Variants in RNPS1 observed in about 807,000 individuals in gnomAD.
RNPS1 encodes the protein RNA-binding protein with serine-rich domain 1.
For synonymous variants in RNPS1, 147 were observed against 150.0 expected, an observed-to-expected ratio of 0.98 and a Z score of 0.15; for missense variants, 300 against 427.6, an observed-to-expected ratio of 0.70 and a Z score of 2.63.
intron 2 of RNPS1, 68 bp from the exon 3 acceptor site, chr16:2,264,399 C>T (rs537485953): frequency 2.0e-5 from 32 of 1,607,236 alleles, no homozygotes; most frequent in East Asian, 1.6e-4. Flanking sequence ...CAACCCAAAA[C>T]GGGGGATCAG....
chr16:2,264,848 G>T lies in RNPS1; in HGVS notation c.-117-88C>A, dbSNP rs2093618639. The T allele has an allele frequency of 3.6e-6, 4 of 1,116,140 alleles. No individual in the cohort carries two copies. The Admixed American group carries it at 8.9e-5, about 25-fold the overall frequency. The allele number at this position is 1,116,140 out of a possible 1,614,324, so 69.1% of individuals were successfully genotyped here. ...CAGTCAAAAGCTGAGCACACAAAAA[G>T]GCAGCAAGGGAGCACGGTAAGCAAT... On this transcript the variant is annotated intron_variant, in intron 1 of 7. Transcript: ENST00000320225.
chr16:2,255,948 A>C (rs1791011454), intron 6 of RNPS1: 3 of 539,916 alleles, frequency 5.6e-6, no homozygotes, highest in Middle Eastern at 4.8e-4. Context: ...TAACATGGTG[A>C]AAATGTCTCT....
At position 2,264,565 on chromosome 16, in the gene RNPS1, A is replaced by C. The variant is rs1181911204; in HGVS notation, c.71+8T>G. 11 of 1,612,902 alleles carry C rather than the reference A, an allele frequency of 6.8e-6. No individual in the cohort carries two copies. Among genetic ancestry groups the C allele is most frequent in the African/African-American group, 1.3e-5 (1 of 74,866 alleles). On this transcript the variant is annotated splice_region_variant and intron_variant, in intron 2 of 7. Transcript: ENST00000320225. ...AGTAGCACTAGAAAAATCTTACAGAAGGATTACCTAGTGCTGGACTTTTTA... is the reference window on the plus strand; with the variant it reads ...AGTAGCACTAGAAAAATCTTACAGACGGATTACCTAGTGCTGGACTTTTTA...
chr16:2,255,059 G>T (rs1054985526), intron 7 of RNPS1, among the ~76,000 whole-genome samples: 1 of 152,076 alleles, frequency 6.6e-6, no homozygotes, highest in Non-Finnish European at 1.5e-5. Context: ...TTTAATACTA[G>T]AAGTTGGGAC....
chr16:2,267,029 ACTAAGATCTGCC>A (rs1437338995), intron 1 of RNPS1: 1 of 377,574 alleles, frequency 2.6e-6, no homozygotes, highest in East Asian at 1.6e-4. Flanking sequence ...CCCCCCAAGA[ACTAAGATCTGCC>A]CGAATGTACT....
At position 2,253,719 on chromosome 16, in the gene RNPS1, T is replaced by G. The variant is rs1482864682; in HGVS notation, c.*245A>C. 1.6e-6 allele frequency: 1 copy of G among 623,634 alleles called. No homozygotes were observed. The highest frequency in any genetic ancestry group is 2.9e-6 in the Non-Finnish European group (1 of 345,500). 38.6% of individuals were successfully genotyped at this position (623,634 alleles called of 1,614,324 possible). A position where few individuals can be genotyped will look rare whatever the true frequency, so the allele number is the denominator to read the frequency against. ...GTGGCTCTGCCACTGAACTGACTCT[T>G]AGAAACCGGAAACGGATGAGCTTTC... On this transcript the variant is annotated 3_prime_UTR_variant, in exon 8 of 8. Coordinates refer to ENST00000320225, the MANE Select transcript of RNPS1 (RefSeq NM_080594.4).
rs1454918298 is a variant in RNPS1 at position 2,264,160 on chromosome 16, G to A, written c.227+16C>T. The A allele has an allele frequency of 5.0e-6, 8 of 1,612,160 alleles. No individual in the cohort carries two copies. The highest frequency in any genetic ancestry group is 6.8e-6 in the Non-Finnish European group (8 of 1,180,012). On this transcript the variant is annotated intron_variant, in intron 3 of 7. Transcript: ENST00000320225. The stretch of plus-strand genomic sequence containing the variant: ...TGGCACAGGTCCTCTCCAGGCTCCA[G>A]GCCAGCCCGCCCCACCTGGTACTGC...
intron 4 of RNPS1, 31 bp downstream of exon 4, chr16:2,263,065 A>T (rs200314453): frequency 6.2e-7 from 1 of 1,603,206 alleles, no homozygotes; most frequent in South Asian, 1.1e-5. Flanking sequence ...CCGAGCTTGT[A>T]AACTTTAGCT....
At chr16:2,254,867 G>C (rs571683393) in intron 7 of RNPS1, among the ~76,000 whole-genome samples, 51 of 148,848 alleles carry the variant, frequency 3.4e-4, no homozygotes, top group African/African-American at 1.1e-3. Context: ...TCAGCCTCCC[G>C]AGTAGCTGGG....
intron 2 of RNPS1, 114 bp from the exon 3 acceptor site, chr16:2,264,445 G>C (rs746016584): frequency 5.2e-6 from 8 of 1,540,568 alleles, no homozygotes; most frequent in Non-Finnish European, 7.1e-6. Flanking sequence ...GGTGACCACA[G>C]AGCAAAGTGG....
At chr16:2,254,725 G>A (rs560537711) in intron 7 of RNPS1, among the ~76,000 whole-genome samples, 4 of 146,334 alleles carry the variant, frequency 2.7e-5, no homozygotes, top group South Asian at 4.4e-4. Flanking sequence ...GCTACCACAC[G>A]TGGCAAAGTT....
rs764107042 is a variant in RNPS1 at position 2,253,905 on chromosome 16, G to C, written c.*59C>G. 2.1e-6 allele frequency: 3 copies of C among 1,456,292 alleles called. No homozygotes were observed. The highest frequency in any genetic ancestry group is 1.9e-6 in the Non-Finnish European group (2 of 1,060,162). 90.2% of individuals were successfully genotyped at this position (1,456,292 alleles called of 1,614,324 possible). A position where few individuals can be genotyped will look rare whatever the true frequency, so the allele number is the denominator to read the frequency against. ...TACTGGTCTTCCTTTGGCTAGAAAA[G>C]TGACAAAACTGAGCTGGGTGGGGTA... On this transcript the variant is annotated 3_prime_UTR_variant, in exon 8 of 8. Coordinates refer to ENST00000320225, the MANE Select transcript of RNPS1 (RefSeq NM_080594.4).
In RNPS1 at chr16:2,264,321, G is replaced by C; in HGVS notation, c.82C>G (p.Pro28Ala). ...TCTGAGCGGTCTTTGCGTTTGGTAGGTGAAGGAGCCCTGGATGGTGAGGAA... is the reference window on the plus strand; with the variant it reads ...TCTGAGCGGTCTTTGCGTTTGGTAGCTGAAGGAGCCCTGGATGGTGAGGAA... Reference protein sequence around the residue: ...NKKSSTRAPSPTKRKDRSDEK... With the variant: ...NKKSSTRAPSATKRKDRSDEK... The change falls in exon 3 of 8, where the codon CCT becomes GCT. Residue 28 changes from proline (P) to alanine (A), a missense_variant. By Grantham distance (27) the Pro-to-Ala change is conservative. Coordinates refer to ENST00000320225, the MANE Select transcript of RNPS1 (RefSeq NM_080594.4). 1 of 1,614,140 alleles carries C rather than the reference G, an allele frequency of 6.2e-7. No homozygotes were observed.
Position 2,262,402 on chromosome 16 carries a change from A to G in RNPS1, c.552T>C (p.Tyr184=), listed in dbSNP as rs768772179. The G allele has an allele frequency of 5.6e-6, 9 of 1,613,900 alleles. No homozygotes were observed. In the African/African-American group the frequency reaches 1.1e-4, roughly 19 times the overall value. ...GCATGTCAATCATTTTAATTTTCCC[A>G]TAGGTGGAAAATATCTCCATGATGT... The part of the protein sequence containing the change: ...KDHIMEIFST[Y]GKIKMIDMPV... Residue 184 remains tyrosine (Y), a synonymous_variant, in exon 6 of 8, where the codon TAT becomes TAC. Transcript: ENST00000320225.
rs889371149 is a variant in RNPS1, at chr16:2,253,751, GA to G, written c.*212del. The G allele has an allele frequency of 4.5e-6, 3 of 669,850 alleles. No individual in the cohort carries two copies. The highest frequency in any genetic ancestry group is 8.1e-6 in the Non-Finnish European group (3 of 368,396). 41.5% of individuals were successfully genotyped at this position (669,850 alleles called of 1,614,324 possible). A position where few individuals can be genotyped will look rare whatever the true frequency, so the allele number is the denominator to read the frequency against. ...CGGAAACGGATGAGCTTTCTAGCCA[GA>G]AAACCGGAGGGAATCTTGACAGGCA... On this transcript the variant is annotated 3_prime_UTR_variant, in exon 8 of 8. Transcript: ENST00000320225.
rs780026324 is a variant in RNPS1 at position 2,262,375 on chromosome 16, G to A, written c.579C>T (p.Pro193=). The stretch of plus-strand genomic sequence containing the variant: ...ACAGATGGGGATGCATCCTTTCCAC[G>A]GGCATGTCAATCATTTTAATTTTCC... ...TYGKIKMIDM[P]VERMHPHLSK... Residue 193 remains proline (P), a synonymous_variant, in exon 6 of 8, where the codon CCC becomes CCT. Transcript: ENST00000320225. 32 of 1,613,668 alleles carry A rather than the reference G, an allele frequency of 2.0e-5. 1 individual carries two copies. Among genetic ancestry groups the A allele is most frequent in the South Asian group, 1.6e-4 (15 of 91,072 alleles).
At chr16:2,261,809 A>C (rs369907062) in intron 6 of RNPS1, among the ~76,000 whole-genome samples, 8 of 152,236 alleles carry the variant, frequency 5.3e-5, no homozygotes, top group African/African-American at 1.9e-4. Context: ...AGGCAAAGCA[A>C]GGGTAATTAC....
rs753619764 is a variant in RNPS1, at chr16:2,262,333, G to A, written c.621C>T (p.Tyr207=). 2.7e-5 allele frequency: 43 copies of A among 1,613,886 alleles called. No homozygotes were observed. The highest frequency in any genetic ancestry group is 3.2e-5 in the Non-Finnish European group (38 of 1,180,008). ...MHPHLSKGYA[Y]VEFENPDEAE... ...CTTCATCTGGATTCTCAAACTCTAC[G>A]TACGCATAGCCTTTGGACAGATGGG... Residue 207 remains tyrosine (Y), a synonymous_variant, in exon 6 of 8, where the codon TAC becomes TAT. Coordinates refer to ENST00000320225, the MANE Select transcript of RNPS1 (RefSeq NM_080594.4).
At chr16:2,267,560 G>C (rs928806573) in intron 1 of RNPS1, 43 of 1,053,372 alleles carry the variant, frequency 4.1e-5, no homozygotes, top group African/African-American at 1.4e-4. Context: ...GACTCCGAAG[G>C]GGGGATCGGC....
Sources: gnomAD v4.1 joint callset for allele counts (sites outside exome capture counted in the v4.1 genomes callset) on GRCh38, gnomAD v4.1.1 for gene constraint, MANE v1.5 for transcripts, NCBI Gene and HGNC (gene_info 2026-07-23, HGNC 2026-07-21) for gene names.